ZNF704: variants seen among roughly 807,000 people sequenced by gnomAD.
The protein encoded by ZNF704 is zinc finger protein 704, also known as glucocorticoid induced gene 1.
A neutral mutation model predicts 44.7 loss-of-function variants in ZNF704; 10 were observed. The observed-to-expected ratio is 0.22, with a 90% CI of 0.14 to 0.38. The LOEUF (loss-of-function observed/expected upper bound fraction) is 0.38, where lower values mean the gene tolerates loss of function less well. ZNF704 is among the 10% of genes least tolerant of loss of function. The pLI is 1.00. For missense variants in ZNF704, 390 were observed against 545.5 expected, an observed-to-expected ratio of 0.71 and a Z score of 2.84; for synonymous variants, 211 against 207.6, an observed-to-expected ratio of 1.02 and a Z score of -0.14.
intron 7 of ZNF704, among the ~76,000 whole-genome samples, chr8:80,656,718 G>GT (rs1360873561): frequency 5.3e-5 from 8 of 152,114 alleles, no homozygotes; most frequent in Admixed American, 2.6e-4. Flanking sequence ...TCAGAAAGGG[G>GT]TTTTTCTCAC....
chr8:80,681,478 C>T (rs1243441750), intron 4 of ZNF704, among the ~76,000 whole-genome samples: 1 of 152,026 alleles, frequency 6.6e-6, no homozygotes, highest in Non-Finnish European at 1.5e-5. Context: ...TGGTTGGTTG[C>T]CTGTCTGGGG....
intron 4 of ZNF704, among the ~76,000 whole-genome samples, chr8:80,685,469 G>C (rs1480320310): frequency 6.6e-6 from 1 of 152,180 alleles, no homozygotes; most frequent in Non-Finnish European, 1.5e-5. Flanking sequence ...AAACCCCAGG[G>C]AGACAGTCTG....
upstream of ZNF704, among the ~76,000 whole-genome samples, chr8:80,879,253 T>TC (rs1809395828): frequency 6.6e-6 from 1 of 151,718 alleles, no homozygotes; most frequent in African/African-American, 2.4e-5. Context: ...TTTTTTTTTT[T>TC]TGAGATGGGG....
At position 80,838,580 on chromosome 8, in the gene ZNF704, AG is replaced by A. The variant is rs373454240; in HGVS notation, c.-21-16966del. 3.7e-3 allele frequency among the ~76,000 whole-genome samples: 539 copies of A among 144,202 alleles called. 5 individuals carry two copies. Among genetic ancestry groups the A allele is most frequent in the African/African-American group, 0.013 (521 of 39,494 alleles). 94.6% of individuals were successfully genotyped at this position (144,202 alleles called of 152,430 possible). A position where few individuals can be genotyped will look rare whatever the true frequency, so the allele number is the denominator to read the frequency against. ...AGCAAGGGCAAGGAGGAGGAGGAAA[AG>A]GGGGGAGGAGGGGGAAGAGGAGGAA... On this transcript the variant is annotated intron_variant, in intron 1 of 8. Transcript: ENST00000327835.
chr8:80,745,751 CAT>C (rs1806833352), intron 2 of ZNF704, among the ~76,000 whole-genome samples: 1 of 152,168 alleles, frequency 6.6e-6, no homozygotes, highest in African/African-American at 2.4e-5. Flanking sequence ...AGTAAATGCA[CAT>C]GAGCATGACC....
intron 2 of ZNF704, among the ~76,000 whole-genome samples, chr8:80,808,241 T>C (rs987517354): frequency 6.6e-6 from 1 of 152,246 alleles, no homozygotes; most frequent in African/African-American, 2.4e-5. Context: ...TTTGAAATTA[T>C]ATTCCTCCCC....
chr8:80,657,813 TA>T (rs1818040278), intron 7 of ZNF704, among the ~76,000 whole-genome samples: 1 of 152,202 alleles, frequency 6.6e-6, no homozygotes, highest in Non-Finnish European at 1.5e-5. Context: ...TGGTATGTTT[TA>T]TATATCATAT....
chr8:80,692,741 C>T, intron 3 of ZNF704, among the ~76,000 whole-genome samples: 1 of 152,134 alleles, frequency 6.6e-6, no homozygotes, highest in East Asian at 1.9e-4. Flanking sequence ...GCAAAGACGT[C>T]CTGGCAAGGC....
At position 80,645,127 on chromosome 8, in the gene ZNF704, C is replaced by T; in HGVS notation, c.1033-1998G>A. 8 of 1,609,032 alleles carry T rather than the reference C, an allele frequency of 5.0e-6. No homozygotes were observed. In the African/African-American group the frequency reaches 5.3e-5, roughly 11 times the overall value. On this transcript the variant is annotated intron_variant, in intron 7 of 8. Transcript: ENST00000327835. ...AGCATGACATGTCGATACTCAAACT[C>T]CTCGTCGTCGTATTTGTCCAAATAG... is the stretch of plus-strand genomic sequence containing the variant.
In ZNF704 at chr8:80,664,971, T is replaced by A. The variant is rs1447064276; in HGVS notation, c.771A>T (p.Ser257=). ...GAGGTGAAGCCAGGGACTGGGAAGG[T>A]GAGACCGGGGCCAGGCTGCTCAGCC... The part of the protein sequence containing the change: ...ADGLSSLAPV[S]PSQSLASPPT... The change falls in exon 6 of 9, where the codon TCA becomes TCT. Residue 257 remains serine, a synonymous_variant. Transcript: ENST00000327835. The A allele has an allele frequency of 6.2e-7, 1 of 1,614,046 alleles. No homozygotes were observed. The highest frequency in any genetic ancestry group is 8.5e-7 in the Non-Finnish European group (1 of 1,180,030).
At chr8:80,679,550 C>T (rs1818420193) in intron 4 of ZNF704, among the ~76,000 whole-genome samples, 2 of 152,192 alleles carry the variant, frequency 1.3e-5, no homozygotes, top group South Asian at 4.1e-4. Context: ...CAGATGTTTG[C>T]AAAGCTGGAA....
At chr8:80,644,985 T>G (rs1416003726) in intron 7 of ZNF704, 4 of 1,187,090 alleles carry the variant, frequency 3.4e-6, no homozygotes, top group Non-Finnish European at 3.8e-6. Flanking sequence ...GATGTGAGGT[T>G]CTGGTTCATG....
chr8:80,699,545 G>T (rs1818776964), intron 2 of ZNF704, among the ~76,000 whole-genome samples: 1 of 152,124 alleles, frequency 6.6e-6, no homozygotes, highest in Admixed American at 6.5e-5. Flanking sequence ...AGCCATCTGT[G>T]GTGAAGGGTC....
In ZNF704 at chr8:80,687,249, C is replaced by T. The variant is rs1325325541; in HGVS notation, c.535G>A (p.Glu179Lys). Reference sequence around the variant, plus strand: ...ACCTTTCTTTTCCTGGGAATGGGCTCGTCGAAGAGCAGGTTGCTGGCCTCC... The same window carrying T: ...ACCTTTCTTTTCCTGGGAATGGGCTTGTCGAAGAGCAGGTTGCTGGCCTCC... The part of the protein sequence containing the change: ...EAEASNLLFD[E>K]PIPRKRKNSM... Residue 179 changes from glutamate (E) to lysine (K), a missense_variant, in exon 4 of 9, where the codon GAG becomes AAG. Transcript: ENST00000327835. 6.2e-7 allele frequency: 1 copy of T among 1,612,350 alleles called. No individual in the cohort carries two copies. Among genetic ancestry groups the T allele is most frequent in the Non-Finnish European group, 8.5e-7 (1 of 1,179,272 alleles).
At chr8:80,851,266 G>T (rs1181925607) in intron 1 of ZNF704, among the ~76,000 whole-genome samples, 1 of 152,086 alleles carries the variant, frequency 6.6e-6, no homozygotes, top group African/African-American at 2.4e-5. Flanking sequence ...AAAGACACAT[G>T]CAAATGTATG....
chr8:80,684,203 C>A (rs1818497919), intron 4 of ZNF704, among the ~76,000 whole-genome samples: 1 of 152,190 alleles, frequency 6.6e-6, no homozygotes, highest in Non-Finnish European at 1.5e-5. Context: ...ATCAGGACAT[C>A]TTAATTTACC....
intron 2 of ZNF704, among the ~76,000 whole-genome samples, chr8:80,773,260 G>T (rs552533109): frequency 6.6e-6 from 1 of 152,062 alleles, no homozygotes; most frequent in Admixed American, 6.5e-5. Context: ...TTTTATTTAT[G>T]TACAGTGTTT....
At chr8:80,863,634 G>A (rs1198719207) in intron 1 of ZNF704, among the ~76,000 whole-genome samples, 1 of 152,142 alleles carries the variant, frequency 6.6e-6, no homozygotes, top group Non-Finnish European at 1.5e-5. Context: ...AAGTAAGGTT[G>A]GCTATGAGGG....
At chr8:80,848,352 G>A (rs1032272638) in intron 1 of ZNF704, among the ~76,000 whole-genome samples, 13 of 152,032 alleles carry the variant, frequency 8.6e-5, no homozygotes, top group African/African-American at 1.9e-4. Flanking sequence ...TGATAATATC[G>A]CACACATGCA....
Sources: allele counts gnomAD v4.1 joint callset (sites outside exome capture counted in the v4.1 genomes callset), GRCh38; gene constraint gnomAD v4.1.1; transcripts MANE v1.5; gene names NCBI Gene and HGNC (gene_info 2026-07-23, HGNC 2026-07-21).